Variants in RNF14 observed in about 807,000 individuals in gnomAD.
RNF14 encodes the protein ring finger protein 14.
In RNF14, 26 loss-of-function variants were observed where a neutral mutation model predicts 52.6. The ratio of observed to expected loss-of-function variants is 0.49; its 90% CI spans 0.36 to 0.69. The LOEUF (loss-of-function observed/expected upper bound fraction) is 0.69, where lower values mean the gene tolerates loss of function less well. RNF14 is among the 30% of genes least tolerant of loss of function. The pLI, the probability that RNF14 is intolerant of heterozygous loss-of-function variation, is 0.00. For synonymous variants in RNF14, 194 were observed against 202.0 expected, an observed-to-expected ratio of 0.96 and a Z score of 0.34; for missense variants, 404 against 560.4, an observed-to-expected ratio of 0.72 and a Z score of 2.82.
At chr5:141,966,072 G>A (rs1210808505), upstream of RNF14, among the ~76,000 whole-genome samples, 2 of 151,746 alleles carry the variant, frequency 1.3e-5, no homozygotes, top group African/African-American at 2.4e-5. Flanking sequence ...CTTGAGCCCA[G>A]GAGTTCAAGA....
chr5:141,975,051 G>A, intron 4 of RNF14, 96 bp downstream of exon 4: 2 of 1,315,378 alleles, frequency 1.5e-6, no homozygotes, highest in Admixed American at 2.2e-5. Context: ...TTCAGTGCAT[G>A]AAAAACAAAT....
rs184056119 is a variant in RNF14 at position 141,960,607 on chromosome 5, A to G, written c.-181+2182A>G. Among the ~76,000 whole-genome samples, 123 of 152,262 alleles carry G rather than the reference A, an allele frequency of 8.1e-4. 1 individual carries two copies. The highest frequency in any genetic ancestry group is 2.7e-3 in the African/African-American group (114 of 41,548). ...TTAGACCTTGTCCTGAAGGTCGTGG[A>G]GTGCTTTTGAAAAGCTCTACGCAGG... is the stretch of plus-strand genomic sequence containing the variant. On this transcript the variant is annotated intron_variant, in intron 1 of 4. Transcript: ENST00000506822.
At chr5:141,951,480 A>G in the RNF14 span, 27 of 1,608,532 alleles carry the variant, frequency 1.7e-5, no homozygotes, top group East Asian at 6.0e-4. Flanking sequence ...TGTGGGGGCT[A>G]CGTGCTGCTT....
chr5:141,953,870 C>T (rs1010624823), upstream of RNF14, among the ~76,000 whole-genome samples: 4 of 152,220 alleles, frequency 2.6e-5, no homozygotes, highest in Admixed American at 2.0e-4. Flanking sequence ...TCACAGGAAA[C>T]CTGAGCTGAT....
chr5:141,961,578 T>C, intron 1 of RNF14, among the ~76,000 whole-genome samples: 1 of 152,190 alleles, frequency 6.6e-6, no homozygotes, highest in East Asian at 1.9e-4. Flanking sequence ...GTGGAGGTAC[T>C]CTGAAATAGG....
intron 7 of RNF14, among the ~76,000 whole-genome samples, chr5:141,984,162 A>C (rs1045942081): frequency 1.3e-5 from 2 of 150,596 alleles, no homozygotes; most frequent in African/African-American, 4.9e-5. Context: ...CGGTAGTGCA[A>C]TCTCAGCTAA....
chr5:141,980,672 T>C (rs1754684631), intron 6 of RNF14, among the ~76,000 whole-genome samples: 1 of 88,458 alleles, frequency 1.1e-5, no homozygotes, highest in South Asian at 5.4e-4. Context: ...ACTTGGGATT[T>C]TAGTTAGGGA....
chr5:141,952,914 AG>A, the RNF14 span: 1 of 152,224 alleles, frequency 6.6e-6, no homozygotes, highest in Admixed American at 6.5e-5. Context: ...AGCTTGAGGT[AG>A]GAAGTGTCAA....
chr5:141,984,723 T>G, intron 7 of RNF14, 80 bp from the exon 8 acceptor site: 1 of 1,337,728 alleles, frequency 7.5e-7, no homozygotes, highest in South Asian at 1.2e-5. Flanking sequence ...AAGACAATGT[T>G]GTACTGAATC....
At chr5:141,954,197 C>T (rs1207882303), upstream of RNF14, among the ~76,000 whole-genome samples, 2 of 152,182 alleles carry the variant, frequency 1.3e-5, no homozygotes, top group Non-Finnish European at 2.9e-5. Flanking sequence ...AATCTGAACT[C>T]CAATCTGCCT....
chr5:141,983,398 G>A lies in RNF14; in HGVS notation c.1082G>A (p.Arg361Gln), dbSNP rs763475842. The change falls in exon 7 of 9, where the codon CGA (arginine) becomes CAA (glutamine). Residue 361 changes from arginine to glutamine, a missense_variant. By Grantham distance (43) the Arg-to-Gln change is conservative. Coordinates refer to ENST00000394520, the MANE Select transcript of RNF14 (RefSeq NM_004290.5). ...KVTAEKLMDL[R>Q]NEYLQADEAN... is the part of the protein sequence containing the mutation. ...TTTGTAGAGAAATTAATGGACTTACGAAATGAATACCTGCAAGCGGATGAG... is the reference window on the plus strand; with the variant it reads ...TTTGTAGAGAAATTAATGGACTTACAAAATGAATACCTGCAAGCGGATGAG... 8 of 1,612,102 alleles carry A rather than the reference G, an allele frequency of 5.0e-6. No individual in the cohort carries two copies. The highest frequency in any genetic ancestry group is 4.0e-5 in the African/African-American group (3 of 74,758).
chr5:141,987,721 T>A lies in RNF14; in HGVS notation c.1368-12T>A, dbSNP rs1467902121. 1.5e-5 allele frequency: 25 copies of A among 1,613,806 alleles called. No individual in the cohort carries two copies. In the Admixed American group the frequency reaches 4.2e-4, roughly 27 times the overall value. ...CAAGTGTATAAAAATGTACCTTTTTTAATGCTTCCAGGCTGTTTTATGCTG... is the reference window on the plus strand; with the variant it reads ...CAAGTGTATAAAAATGTACCTTTTTAAATGCTTCCAGGCTGTTTTATGCTG... On this transcript the variant is annotated splice_polypyrimidine_tract_variant and intron_variant, in intron 8 of 8. Transcript: ENST00000394520.
At chr5:141,952,010 G>A in the RNF14 span, among the ~76,000 whole-genome samples, 3 of 152,256 alleles carry the variant, frequency 2.0e-5, no homozygotes, top group Non-Finnish European at 2.9e-5. Flanking sequence ...TTGACCAGAT[G>A]TAAGACTATG....
intron 2 of RNF14, among the ~76,000 whole-genome samples, 188 bp from the exon 3 acceptor site, chr5:141,973,395 G>A (rs1048990750): frequency 3.3e-5 from 5 of 151,916 alleles, no homozygotes; most frequent in Non-Finnish European, 2.9e-5. Flanking sequence ...CTGCCACCAC[G>A]CCTGGCTAAT....
chr5:141,956,891 C>G, upstream of RNF14: 1 of 1,614,190 alleles, frequency 6.2e-7, no homozygotes, highest in Non-Finnish European at 8.5e-7. Flanking sequence ...GCCTGAACAT[C>G]CACCTCGTAG....
chr5:141,957,372 A>G, upstream of RNF14: 1 of 1,613,872 alleles, frequency 6.2e-7, no homozygotes, highest in Non-Finnish European at 8.5e-7. This position sits in a 1 kb window ranked among gnomAD's most constrained non-coding sequence, Gnocchi z 4.3. Flanking sequence ...TGTCTGGGTC[A>G]AGAGCTCTGT....
chr5:141,980,009 G>A lies in RNF14; in HGVS notation c.835-114G>A, dbSNP rs1434119219. The A allele has an allele frequency of 1.3e-5, 10 of 784,370 alleles. No individual in the cohort carries two copies. In the East Asian group the frequency reaches 2.5e-4, roughly 19 times the overall value. 48.6% of individuals were successfully genotyped at this position (784,370 alleles called of 1,614,324 possible). ...TACTTGGTTTGATTTTGAAGTGAAA[G>A]AGAGGTTTTAATTTATGTGCCCATC... On this transcript the variant is annotated intron_variant, in intron 5 of 8. Coordinates refer to ENST00000394520, the MANE Select transcript of RNF14 (RefSeq NM_004290.5).
At chr5:141,976,098 A>G (rs915068169) in intron 4 of RNF14, among the ~76,000 whole-genome samples, 3 of 152,180 alleles carry the variant, frequency 2.0e-5, no homozygotes, top group Non-Finnish European at 2.9e-5. Flanking sequence ...GCAAAATTAA[A>G]CCTTAAAAAG....
chr5:141,958,064 C>G, upstream of RNF14: 1 of 586,528 alleles, frequency 1.7e-6, no homozygotes, highest in South Asian at 2.3e-5. Context: ...GTCCAAACGC[C>G]GATCAAGAAT....
Sources: gnomAD v4.1 joint callset for allele counts (sites outside exome capture counted in the v4.1 genomes callset) on GRCh38, gnomAD v4.1.1 for gene constraint, Gnocchi (gnomAD v3.1) non-coding constraint, MANE v1.5 for transcripts, NCBI Gene and HGNC (gene_info 2026-07-23, HGNC 2026-07-21) for gene names.